The following DNAH12 variants were observed in gnomAD, a reference collection of about 807,000 sequenced individuals.
DNAH12 encodes the protein dynein axonemal heavy chain 12, also known as axonemal beta dynein heavy chain 12.
In DNAH12, 285 loss-of-function variants were observed where a neutral mutation model predicts 371.5. The ratio of observed to expected loss-of-function variants is 0.77; its 90% confidence interval spans 0.70 to 0.85. DNAH12 has a LOEUF of 0.85. DNAH12 is among the 40% of genes least tolerant of loss of function. The probability of loss-of-function intolerance (pLI) is 0.00; values close to 1 mark genes in which losing one functional copy is unlikely to be tolerated. For synonymous variants in DNAH12, 1,200 were observed against 1,213.0 expected (o/e 0.99, Z 0.22); for missense variants, 3,611 against 3,689.4 (o/e 0.98, Z 0.55).
chr3:57,548,774 G>A (rs2069597296), upstream of DNAH12: 1 of 152,038 alleles, frequency 6.6e-6, no homozygotes, highest in Admixed American at 6.6e-5. Context: ...GAAGATCATA[G>A]GTCACTGTAA....
At position 57,499,630 on chromosome 3, in the gene DNAH12, C is replaced by CAAAA. The variant is rs1220632097; in HGVS notation, c.1335+1687_1335+1690dup. Among the ~76,000 whole-genome samples the CAAAA allele has an allele frequency of 1.2e-3, 18 of 14,884 alleles. 3 individuals carry two copies. Among genetic ancestry groups the CAAAA allele is most frequent in the South Asian group, 0.012 (2 of 172 alleles). The allele number at this position is 14,884 out of a possible 152,430, so 9.8% of individuals were successfully genotyped here. On this transcript the variant is annotated intron_variant, in intron 11 of 73. Coordinates refer to ENST00000495027, the MANE Select transcript of DNAH12 (RefSeq NM_001366028.2). ...GAAACATAAGGAGACACCATCTCTA[C>CAAAA]AAAAAAAAAAAAAAAAAATATATAT...
At chr3:57,526,975 C>T (rs150451012) in intron 2 of DNAH12, among the ~76,000 whole-genome samples, 141 of 152,164 alleles carry the variant, frequency 9.3e-4, no homozygotes, top group African/African-American at 3.2e-3. Flanking sequence ...GCTGGGATTA[C>T]AGGCACCCAC....
chr3:57,353,731 T>A (rs1048573964), intron 59 of DNAH12, among the ~76,000 whole-genome samples: 1 of 152,098 alleles, frequency 6.6e-6, no homozygotes, highest in Admixed American at 6.5e-5. Context: ...CATAGACACT[T>A]TTCAAAAGAA....
rs2065145336 is a variant in DNAH12, at chr3:57,436,940, T to G, written c.4655+11A>C. On this transcript the variant is annotated intron_variant, in intron 30 of 73. Coordinates refer to ENST00000495027, the MANE Select transcript of DNAH12 (RefSeq NM_001366028.2). ...GAAATAACATCTAACTATAGCAATA[T>G]ATAATCTTACCCATGTCTAACAATC... 1 of 1,392,996 alleles carries G rather than the reference T, an allele frequency of 7.2e-7. No homozygotes were observed. The allele number at this position is 1,392,996 out of a possible 1,614,324, so 86.3% of individuals were successfully genotyped here.
At chr3:57,429,917 G>T (rs893106137) in intron 32 of DNAH12, 143 bp from the exon 33 acceptor site, 1 of 660,510 alleles carries the variant, frequency 1.5e-6, no homozygotes, top group Non-Finnish European at 2.4e-6. Context: ...CTTAATTCTA[G>T]GTCTAGCCCT....
At position 57,416,258 on chromosome 3, in the gene DNAH12, T is replaced by C. The variant is rs547247432; in HGVS notation, c.5715-694A>G. 9.9e-5 allele frequency among the ~76,000 whole-genome samples: 15 copies of C among 152,154 alleles called. No homozygotes were observed. In the South Asian group the frequency reaches 2.7e-3, roughly 27 times the overall value. On this transcript the variant is annotated intron_variant, in intron 37 of 73. Coordinates refer to ENST00000495027, the MANE Select transcript of DNAH12 (RefSeq NM_001366028.2). ...TGCCACCACACCAGGCTAATTTTTT[T>C]ACTTTTAACGTTTTAAAGAGACAGG...
At chr3:57,515,918 A>G (rs114075609) in intron 4 of DNAH12, among the ~76,000 whole-genome samples, 1,771 of 151,866 alleles carry the variant, frequency 0.012, 12 homozygotes, top group Non-Finnish European at 0.017. Context: ...AGATAAAAAG[A>G]TTTTTTAAAT....
At chr3:57,356,671 C>A (rs2062808650) in intron 59 of DNAH12, among the ~76,000 whole-genome samples, 1 of 151,902 alleles carries the variant, frequency 6.6e-6, no homozygotes, top group Non-Finnish European at 1.5e-5. Context: ...AGTGAAACAA[C>A]AACTTAAAAT....
chr3:57,340,839 T>C (rs781872088), intron 60 of DNAH12, among the ~76,000 whole-genome samples: 1 of 151,982 alleles, frequency 6.6e-6, no homozygotes, highest in African/African-American at 2.4e-5. Flanking sequence ...CAAAACCAGA[T>C]AAAAACACAA....
intron 29 of DNAH12, 43 bp downstream of exon 29, chr3:57,444,654 G>A (rs898084216): frequency 6.5e-7 from 1 of 1,541,042 alleles, no homozygotes; most frequent in Middle Eastern, 1.7e-4. Flanking sequence ...GTCATCGGAT[G>A]AATTTATTAT....
At chr3:57,313,497 A>G (rs1356348084) in intron 66 of DNAH12, among the ~76,000 whole-genome samples, 2 of 152,200 alleles carry the variant, frequency 1.3e-5, no homozygotes. Flanking sequence ...ACTAAAAAAT[A>G]CAAAAAGTTA....
chr3:57,510,773 T>C lies in DNAH12; in HGVS notation c.469+17A>G, dbSNP rs1215708511. 1 of 1,611,516 alleles carries C rather than the reference T, an allele frequency of 6.2e-7. No individual in the cohort carries two copies. Among genetic ancestry groups the C allele is most frequent in the Non-Finnish European group, 8.5e-7 (1 of 1,179,156 alleles). ...GCCAAGGTGAAAGAAGCCTGGTGTG[T>C]GTTAGATGCTACTTACCCAAATATC... On this transcript the variant is annotated intron_variant, in intron 5 of 73. Coordinates refer to ENST00000495027, the MANE Select transcript of DNAH12 (RefSeq NM_001366028.2).
chr3:57,454,255 C>T (rs1458022915), intron 23 of DNAH12, among the ~76,000 whole-genome samples: 4 of 151,810 alleles, frequency 2.6e-5, no homozygotes, highest in Admixed American at 2.6e-4. Flanking sequence ...CTAAGGTGGG[C>T]GGATCTCCTG....
intron 37 of DNAH12, among the ~76,000 whole-genome samples, chr3:57,416,438 T>C (rs1358175962): frequency 2.6e-5 from 4 of 152,214 alleles, no homozygotes; most frequent in Non-Finnish European, 5.9e-5. Context: ...ATAGATGTAA[T>C]ATCGCTATAT....
chr3:57,477,674 C>T (rs1210207497), intron 13 of DNAH12, among the ~76,000 whole-genome samples: 1 of 152,302 alleles, frequency 6.6e-6, no homozygotes, highest in East Asian at 1.9e-4. Context: ...AGGCACCCCC[C>T]AGTAGGGGCA....
chr3:57,429,704 A>G lies in DNAH12; in HGVS notation c.5051T>C (p.Leu1684Pro). 1 of 1,537,038 alleles carries G rather than the reference A, an allele frequency of 6.5e-7. No individual in the cohort carries two copies. Among genetic ancestry groups the G allele is most frequent in the Non-Finnish European group, 8.8e-7 (1 of 1,142,012 alleles). Residue 1684 changes from leucine to proline, a missense_variant, in exon 33 of 74, where the codon CTT becomes CCT. Around this residue, in one of 3 missense-constraint regions of DNAH12, gnomAD observed 2,266 missense variants for 2,236.9 expected, o/e 1.01. Coordinates refer to ENST00000495027, the MANE Select transcript of DNAH12 (RefSeq NM_001366028.2). ...TTATGAACTTACGGATGCCTGGGAA[A>G]GGTCCATTGTTTCAAAGATGAGGCT... The part of the protein sequence containing the change: ...QMSLIFETMD[L>P]SQASPATVSR...
intron 1 of DNAH12, among the ~76,000 whole-genome samples, chr3:57,543,313 TG>T (rs36017665): frequency 7.9e-6 from 1 of 126,876 alleles, no homozygotes; most frequent in Admixed American, 9.0e-5. Flanking sequence ...ACATCATTAA[TG>T]GTTTTTTTTT....
rs2063926613 is a variant in DNAH12, at chr3:57,403,290, G to C, written c.6948+19C>G. ...TATACTGTTTTCATTTTAGATACTA[G>C]GCTTCTTCATAATTTTACCTTCATA... On this transcript the variant is annotated intron_variant, in intron 43 of 73. Transcript: ENST00000495027. The C allele has an allele frequency of 2.0e-6, 3 of 1,531,344 alleles. No individual in the cohort carries two copies. Among genetic ancestry groups the C allele is most frequent in the Non-Finnish European group, 2.6e-6 (3 of 1,139,072 alleles). 94.9% of individuals were successfully genotyped at this position (1,531,344 alleles called of 1,614,324 possible). A position where few individuals can be genotyped will look rare whatever the true frequency, so the allele number is the denominator to read the frequency against.
chr3:57,372,449 C>CT (rs1316675331), intron 55 of DNAH12, among the ~76,000 whole-genome samples: 3 of 151,736 alleles, frequency 2.0e-5, no homozygotes, highest in African/African-American at 7.3e-5. Flanking sequence ...AAACATAAGA[C>CT]TTTTTTTCTT....
Sources: allele counts gnomAD v4.1 joint callset (sites outside exome capture counted in the v4.1 genomes callset), GRCh38; gene constraint gnomAD v4.1.1; regional missense constraint gnomAD v4.1.1; transcripts MANE v1.5; gene names NCBI Gene and HGNC (gene_info 2026-07-23, HGNC 2026-07-21).